Variants in ABHD12 observed in about 807,000 individuals in gnomAD.
ABHD12 encodes the protein lysophosphatidylserine lipase ABHD12.
A neutral mutation model predicts 58.3 loss-of-function variants in ABHD12; 43 were observed. That is an observed-to-expected ratio of 0.74 (90% CI 0.58 to 0.95). The LOEUF (loss-of-function observed/expected upper bound fraction) is 0.95. ABHD12 is among the 40% of genes least tolerant of loss of function. ABHD12 has a pLI of 0.00. For missense variants in ABHD12, 539 were observed against 537.2 expected (o/e 1.00, Z -0.03); for synonymous variants, 219 against 211.2 (o/e 1.04, Z -0.32).
intron 11 of ABHD12, 140 bp downstream of exon 11, chr20:25,303,410 G>A (rs765833492): frequency 4.4e-5 from 67 of 1,527,014 alleles, no homozygotes; most frequent in South Asian, 8.4e-5. Context: ...GTGGCCTCCT[G>A]AGCCTGACGT....
chr20:25,319,394 A>T (rs942568051), intron 4 of ABHD12, among the ~76,000 whole-genome samples: 2 of 152,218 alleles, frequency 1.3e-5, no homozygotes, highest in Admixed American at 6.5e-5. Context: ...CATGAACTTC[A>T]GCAACAGCCC....
At chr20:25,333,964 T>G (rs1452689493) in intron 2 of ABHD12, among the ~76,000 whole-genome samples, 2 of 152,076 alleles carry the variant, frequency 1.3e-5, no homozygotes, top group African/African-American at 2.4e-5. Flanking sequence ...CCGGGGCAAT[T>G]AGGCAGGAGA....
At chr20:25,389,085 C>T (rs1172872003) in intron 1 of ABHD12, among the ~76,000 whole-genome samples, 1 of 152,086 alleles carries the variant, frequency 6.6e-6, no homozygotes, top group South Asian at 2.1e-4. Flanking sequence ...GCATTACAGG[C>T]GTGAGCCACC....
chr20:25,330,905 G>A (rs553457176), intron 2 of ABHD12, among the ~76,000 whole-genome samples: 2 of 152,182 alleles, frequency 1.3e-5, no homozygotes, highest in South Asian at 2.1e-4. Context: ...AAAGCAGAGC[G>A]CCTCTCCTCC....
chr20:25,331,762 T>C (rs936947508), intron 2 of ABHD12, among the ~76,000 whole-genome samples: 5 of 152,162 alleles, frequency 3.3e-5, no homozygotes, highest in Middle Eastern at 3.4e-3. Flanking sequence ...TGCTGAGAGA[T>C]TGTGTCACCA....
In ABHD12 at chr20:25,369,586, G is replaced by C. The variant is rs977751411; in HGVS notation, c.191+20927C>G. Among the ~76,000 whole-genome samples, 6 of 152,124 alleles carry C rather than the reference G, an allele frequency of 3.9e-5. No homozygotes were observed. In the South Asian group the frequency reaches 1.2e-3, roughly 32 times the overall value. ...CTGCTCTTAACCACTTCTGCCTACC[G>C]AAGTGACACGTCACTTCCATTCAGA... On this transcript the variant is annotated intron_variant, in intron 1 of 12. Coordinates refer to ENST00000339157, the MANE Select transcript of ABHD12 (RefSeq NM_001042472.3).
chr20:25,340,006 T>C (rs2089434412), intron 1 of ABHD12, among the ~76,000 whole-genome samples: 1 of 152,206 alleles, frequency 6.6e-6, no homozygotes, highest in Admixed American at 6.5e-5. Context: ...AGAGTTCTTA[T>C]CTTGTTCCCA....
At chr20:25,296,852 CTATG>C (rs1365796931), downstream of ABHD12, 2 of 319,284 alleles carry the variant, frequency 6.3e-6, no homozygotes, top group African/African-American at 4.3e-5. Flanking sequence ...ACACATCTTG[CTATG>C]TATTAGCCGA....
chr20:25,330,397 G>A (rs561609900), intron 2 of ABHD12, among the ~76,000 whole-genome samples: 43 of 152,372 alleles, frequency 2.8e-4, no homozygotes, highest in African/African-American at 7.2e-4. Flanking sequence ...AGGGGCGCCC[G>A]CCATTGCCCA....
intron 1 of ABHD12, among the ~76,000 whole-genome samples, chr20:25,379,012 C>T (rs1041457867): frequency 6.6e-6 from 1 of 152,194 alleles, no homozygotes; most frequent in Non-Finnish European, 1.5e-5. Flanking sequence ...AATCTGTGTA[C>T]CAGCAAGCCC....
At position 25,390,783 on chromosome 20, in the gene ABHD12, A is replaced by AGAGCCCG. The variant is rs1452824943; in HGVS notation, c.-87_-81dup. ...CCGCCGCTCACAGCCGCCGCCACCC[A>AGAGCCCG]GAGCCCGGAGCCCGGAACCCGCCGC... On this transcript the variant is annotated 5_prime_UTR_variant, in exon 1 of 13. Transcript: ENST00000339157. The AGAGCCCG allele has an allele frequency of 2.2e-5, 22 of 997,616 alleles. No individual in the cohort carries two copies. Among genetic ancestry groups the AGAGCCCG allele is most frequent in the African/African-American group, 1.0e-4 (6 of 57,624 alleles). 61.8% of individuals were successfully genotyped at this position (997,616 alleles called of 1,614,324 possible). A position where few individuals can be genotyped will look rare whatever the true frequency, so the allele number is the denominator to read the frequency against.
chr20:25,370,848 A>AC (rs1439586250), intron 1 of ABHD12, among the ~76,000 whole-genome samples: 5 of 138,254 alleles, frequency 3.6e-5, no homozygotes, highest in Non-Finnish European at 7.7e-5. Context: ...GCCTTTATTG[A>AC]CTTTTTTTTT....
chr20:25,314,375 C>T (rs934577984), intron 6 of ABHD12, among the ~76,000 whole-genome samples: 25 of 152,260 alleles, frequency 1.6e-4, no homozygotes, highest in Middle Eastern at 3.4e-3. Flanking sequence ...AAGACAGTAT[C>T]TTCTAATTTA....
At chr20:25,349,092 A>AAAAAAAAG (rs1279652451) in intron 1 of ABHD12, among the ~76,000 whole-genome samples, 3 of 151,774 alleles carry the variant, frequency 2.0e-5, no homozygotes, top group Non-Finnish European at 4.4e-5. Flanking sequence ...TCAAAAAAAA[A>AAAAAAAAG]AAAAAAAGAA....
chr20:25,322,381 A>ATATATATATATATCTATATATATTTTT, intron 3 of ABHD12, among the ~76,000 whole-genome samples: 1 of 59,284 alleles, frequency 1.7e-5, no homozygotes, highest in African/African-American at 8.3e-5. Flanking sequence ...ATATATATAT[A>ATATATATATATATCTATATATATTTTT]TTTTTTTTTT....
At chr20:25,390,477 G>GCCCCCCCCCCCCCCCCCC in intron 1 of ABHD12, 36 bp downstream of exon 1, 4 of 98,524 alleles carry the variant, frequency 4.1e-5, no homozygotes, top group South Asian at 1.1e-4. Context: ...TGAGGGACCG[G>GCCCCCCCCCCCCCCCCCC]CCCCCCCCCC....
chr20:25,330,205 C>CA (rs1031601659), intron 2 of ABHD12, among the ~76,000 whole-genome samples: 4 of 152,226 alleles, frequency 2.6e-5, no homozygotes, highest in Non-Finnish European at 4.4e-5. Context: ...TGGTGACAGA[C>CA]GGCACCTGGA....
At chr20:25,315,519 G>C (rs1018732485) in intron 5 of ABHD12, among the ~76,000 whole-genome samples, 6 of 151,856 alleles carry the variant, frequency 4.0e-5, no homozygotes, top group African/African-American at 1.5e-4. Context: ...CCTTGCTGGG[G>C]TGTGCCCAGA....
At chr20:25,381,258 C>A (rs377401293) in intron 1 of ABHD12, among the ~76,000 whole-genome samples, 126 of 152,292 alleles carry the variant, frequency 8.3e-4, no homozygotes, top group African/African-American at 2.9e-3. Context: ...GCCTCATCTG[C>A]GGCTATTCCC....
Sources: allele counts gnomAD v4.1 joint callset (sites outside exome capture counted in the v4.1 genomes callset), GRCh38; gene constraint gnomAD v4.1.1; transcripts MANE v1.5; gene names NCBI Gene and HGNC (gene_info 2026-07-23, HGNC 2026-07-21).